The following NOL10 variants were observed in gnomAD, a reference collection of about 807,000 sequenced individuals.
NOL10 encodes the protein nucleolar protein 10, also known as H_NH0074G24.1.
A neutral mutation model predicts 103.5 loss-of-function variants in NOL10; 58 were observed. The observed-to-expected ratio is 0.56, with a 90% CI of 0.45 to 0.70. NOL10 has a LOEUF of 0.70. Ranked by LOEUF, NOL10 falls within the 30% of genes least tolerant of loss-of-function variation. The probability of loss-of-function intolerance (pLI) is 0.00; values close to 1 mark genes in which losing one functional copy is unlikely to be tolerated. For synonymous variants in NOL10, 287 were observed against 282.5 expected (o/e 1.02, Z -0.16); for missense variants, 763 against 807.3 (o/e 0.95, Z 0.67).
chr2:10,685,194 C>T (rs1682067272), intron 1 of NOL10, among the ~76,000 whole-genome samples: 1 of 152,064 alleles, frequency 6.6e-6, no homozygotes, highest in Non-Finnish European at 1.5e-5. Flanking sequence ...ATATTTTTTA[C>T]AAGGAATAAA....
intron 13 of NOL10, among the ~76,000 whole-genome samples, chr2:10,620,496 AAC>A (rs1677082474): frequency 1.3e-5 from 2 of 152,212 alleles, no homozygotes; most frequent in African/African-American, 4.8e-5. Context: ...AATCCTGAAG[AAC>A]GTATTTTAAA....
chr2:10,669,466 T>A (rs116796114), intron 6 of NOL10, among the ~76,000 whole-genome samples: 46,042 of 142,436 alleles, frequency 0.32, 7,574 homozygotes, highest in South Asian at 0.49. Context: ...TTTTTATTTT[T>A]TATATATATA....
At chr2:10,587,068 C>T (rs79865144) in intron 19 of NOL10, among the ~76,000 whole-genome samples, 744 of 24,218 alleles carry the variant, frequency 0.031, 135 homozygotes, top group Non-Finnish European at 0.044. Context: ...TATATATATA[C>T]ATATATATAC....
intron 13 of NOL10, among the ~76,000 whole-genome samples, chr2:10,641,481 A>G (rs542280885): frequency 6.6e-6 from 1 of 152,342 alleles, no homozygotes; most frequent in Non-Finnish European, 1.5e-5. Flanking sequence ...ATTTTCATGT[A>G]CTTTGTAACC....
At chr2:10,657,150 C>T (rs1356696116) in intron 11 of NOL10, among the ~76,000 whole-genome samples, 4 of 152,042 alleles carry the variant, frequency 2.6e-5, no homozygotes, top group Admixed American at 6.6e-5. Context: ...GAAACCCCAT[C>T]GCTACTAAAA....
intron 3 of NOL10, among the ~76,000 whole-genome samples, chr2:10,680,860 C>G (rs1028872727): frequency 1.3e-5 from 2 of 152,164 alleles, no homozygotes; most frequent in Non-Finnish European, 2.9e-5. Flanking sequence ...TTCAACACTC[C>G]AACACACTAA....
intron 20 of NOL10, among the ~76,000 whole-genome samples, chr2:10,572,892 T>A (rs1558260635): frequency 6.6e-6 from 1 of 152,168 alleles, no homozygotes; most frequent in Non-Finnish European, 1.5e-5. Context: ...TTGGCTCACA[T>A]GGGAGCTGGA....
In NOL10 at chr2:10,587,214, T is replaced by TACAC. The variant is rs1280515921; in HGVS notation, c.1844+1828_1844+1829insGTGT. 1.9e-4 allele frequency among the ~76,000 whole-genome samples: 11 copies of TACAC among 57,830 alleles called. No individual in the cohort carries two copies. The South Asian group carries it at 3.4e-3, about 18-fold the overall frequency. The allele number at this position is 57,830 out of a possible 152,430, so 37.9% of individuals were successfully genotyped here. The stretch of plus-strand genomic sequence containing the variant: ...ATACACATATATATACACATATATA[T>TACAC]ATACATATATATACATATATATATA... On this transcript the variant is annotated intron_variant, in intron 19 of 20. Transcript: ENST00000381685.
chr2:10,660,278 T>A (rs1305234952), intron 9 of NOL10, among the ~76,000 whole-genome samples: 2 of 152,190 alleles, frequency 1.3e-5, no homozygotes, highest in Admixed American at 6.5e-5. Context: ...TTTCTTTCAG[T>A]ATAGTGATAT....
chr2:10,656,712 C>T (rs547195611), intron 11 of NOL10, among the ~76,000 whole-genome samples: 1 of 152,230 alleles, frequency 6.6e-6, no homozygotes, highest in Non-Finnish European at 1.5e-5. Flanking sequence ...CGCTTAGGCA[C>T]GAACTGCTCA....
chr2:10,596,268 G>C (rs2357652), intron 17 of NOL10, among the ~76,000 whole-genome samples: 6 of 81,430 alleles, frequency 7.4e-5, no homozygotes, highest in Admixed American at 1.5e-4. Flanking sequence ...GGGGGCGGGG[G>C]GCGGGCGCGA....
Position 10,653,211 on chromosome 2 carries a change from C to A in NOL10, c.973+1270G>T, listed in dbSNP as rs868511255. On this transcript the variant is annotated intron_variant, in intron 12 of 20. Coordinates refer to ENST00000381685, the MANE Select transcript of NOL10 (RefSeq NM_024894.4). The stretch of plus-strand genomic sequence containing the variant: ...CTCCAACTCAAAAAAAAAAAAAAAA[C>A]CACACATTTCTAAGCCCTTTCCATA... Among the ~76,000 whole-genome samples the A allele has an allele frequency of 5.3e-4, 79 of 149,282 alleles. 2 individuals carry two copies. The East Asian group carries it at 0.012, about 22-fold the overall frequency.
intron 17 of NOL10, among the ~76,000 whole-genome samples, chr2:10,599,466 C>T (rs13034017): frequency 0.59 from 90,009 of 152,064 alleles, 27,647 homozygotes; most frequent in African/African-American, 0.74. Flanking sequence ...GTATTCTAAA[C>T]ACTTAAAGAT....
chr2:10,674,680 T>C (rs1681181426), intron 4 of NOL10, among the ~76,000 whole-genome samples: 3 of 151,758 alleles, frequency 2.0e-5, no homozygotes, highest in Admixed American at 2.0e-4. Flanking sequence ...CTACTAAAAA[T>C]ACCAAAATTA....
intron 12 of NOL10, among the ~76,000 whole-genome samples, chr2:10,647,666 G>T (rs1679173979): frequency 6.6e-6 from 1 of 152,190 alleles, no homozygotes; most frequent in African/African-American, 2.4e-5. Context: ...AAGGGGACTG[G>T]CAGGGGCGCT....
At chr2:10,683,766 G>A (rs1459038681) in intron 2 of NOL10, among the ~76,000 whole-genome samples, 1 of 152,184 alleles carries the variant, frequency 6.6e-6, no homozygotes, top group Non-Finnish European at 1.5e-5. Context: ...ACTGTGCTAA[G>A]TGTCCCCAGG....
intron 5 of NOL10, chr2:10,673,258 A>G (rs1681073167): frequency 3.3e-6 from 1 of 299,138 alleles, no homozygotes; most frequent in East Asian, 5.5e-5. Context: ...CCAATTCTTA[A>G]AAATACAAAT....
chr2:10,576,084 C>T (rs1240728911), intron 20 of NOL10, among the ~76,000 whole-genome samples: 1 of 152,124 alleles, frequency 6.6e-6, no homozygotes, highest in Non-Finnish European at 1.5e-5. Flanking sequence ...TGAGGTAGTT[C>T]TCCAGAGATG....
chr2:10,684,511 A>C (rs1682010433), intron 2 of NOL10, 56 bp downstream of exon 2: 2 of 1,350,886 alleles, frequency 1.5e-6, no homozygotes, highest in Non-Finnish European at 2.1e-6. Flanking sequence ...CAAATGAGTA[A>C]AAGCATTAGA....
Sources: allele counts gnomAD v4.1 joint callset (sites outside exome capture counted in the v4.1 genomes callset), GRCh38; gene constraint gnomAD v4.1.1; transcripts MANE v1.5; gene names NCBI Gene and HGNC (gene_info 2026-07-23, HGNC 2026-07-21).